CDH12: variants seen among roughly 807,000 people sequenced by gnomAD.
CDH12 encodes the protein cadherin 12, also known as cadherin-12.
CDH12 carries 41 observed loss-of-function variants against 74.1 expected under a neutral mutation model. The observed-to-expected ratio is 0.55, with a 90% CI of 0.43 to 0.72. The LOEUF (loss-of-function observed/expected upper bound fraction) is 0.72. CDH12 is among the 30% of genes least tolerant of loss of function. The probability of loss-of-function intolerance (pLI) is 0.00; values close to 1 mark genes in which losing one functional copy is unlikely to be tolerated. For missense variants in CDH12, 945 were observed against 977.2 expected (o/e 0.97, Z 0.44); for synonymous variants, 399 against 355.0 (o/e 1.12, Z -1.39).
At chr5:22,510,250 G>A (rs1197869181) in intron 1 of CDH12, among the ~76,000 whole-genome samples, 1 of 152,050 alleles carries the variant, frequency 6.6e-6, no homozygotes, top group East Asian at 1.9e-4. Context: ...TACTCTAGAG[G>A]TGGTCCTATG....
At chr5:22,562,396 T>A (rs1423704395) in intron 1 of CDH12, among the ~76,000 whole-genome samples, 2 of 152,124 alleles carry the variant, frequency 1.3e-5, no homozygotes, top group African/African-American at 4.8e-5. Flanking sequence ...GCTAGGAATT[T>A]AAAAAAATAC....
intron 6 of CDH12, among the ~76,000 whole-genome samples, chr5:21,880,435 T>TTTCCTTCCTTCTTTCCTTCC: frequency 6.7e-6 from 1 of 149,750 alleles, no homozygotes. Flanking sequence ...ATACAATGCT[T>TTTCCTTCCTTCTTTCCTTCC]TTCCTTCCTT....
chr5:22,405,392 ACT>A (rs1337326406), intron 2 of CDH12, 41 bp from the exon 3 acceptor site: 2 of 463,962 alleles, frequency 4.3e-6, no homozygotes, highest in Non-Finnish European at 5.7e-6. Flanking sequence ...AATATGCAAG[ACT>A]CTCTGTATTC....
At chr5:21,801,412 G>A (rs1747104217) in intron 10 of CDH12, among the ~76,000 whole-genome samples, 1 of 152,136 alleles carries the variant, frequency 6.6e-6, no homozygotes, top group Non-Finnish European at 1.5e-5. Flanking sequence ...ACAGCTGTAG[G>A]CACGCGGCAG....
At chr5:22,680,404 T>C (rs1407334363) in intron 1 of CDH12, among the ~76,000 whole-genome samples, 1 of 152,110 alleles carries the variant, frequency 6.6e-6, no homozygotes, top group Non-Finnish European at 1.5e-5. Context: ...TGTATTATTA[T>C]TAATAATAAT....
intron 10 of CDH12, among the ~76,000 whole-genome samples, chr5:21,787,192 T>G (rs1185592204): frequency 6.6e-6 from 1 of 152,220 alleles, no homozygotes; most frequent in Non-Finnish European, 1.5e-5. Flanking sequence ...AGGTAAATGC[T>G]ACAAAACAGC....
At chr5:22,380,104 A>G (rs1405168176) in intron 3 of CDH12, among the ~76,000 whole-genome samples, 1 of 152,182 alleles carries the variant, frequency 6.6e-6, no homozygotes, top group African/African-American at 2.4e-5. Flanking sequence ...TTCAATGCTA[A>G]GGCAATATTG....
chr5:22,412,324 A>G (rs899195703), intron 2 of CDH12, among the ~76,000 whole-genome samples: 1 of 152,000 alleles, frequency 6.6e-6, no homozygotes, highest in Admixed American at 6.6e-5. Context: ...CAACTGAATT[A>G]GATTTCAAAG....
chr5:22,502,645 C>T (rs1236210237), intron 2 of CDH12, among the ~76,000 whole-genome samples: 2 of 139,724 alleles, frequency 1.4e-5, no homozygotes, highest in Non-Finnish European at 3.2e-5. Context: ...TTTACACACA[C>T]ACACACGCAC....
At chr5:21,914,539 T>G (rs1754004337) in intron 6 of CDH12, among the ~76,000 whole-genome samples, 1 of 152,018 alleles carries the variant, frequency 6.6e-6, no homozygotes, top group South Asian at 2.1e-4. Flanking sequence ...GGGAGAGAGA[T>G]TTTATTGAAT....
rs931399549 is a variant in CDH12 at position 22,735,542 on chromosome 5, G to A, written c.-523+117516C>T. On this transcript the variant is annotated intron_variant, in intron 1 of 14. Transcript: ENST00000382254. ...TAATTAAAGTATATAAATCCACCCC[G>A]AATGTCATCTTTCAAGTTTTAGTTC... Among the ~76,000 whole-genome samples, 11 of 151,848 alleles carry A rather than the reference G, an allele frequency of 7.2e-5. 1 individual carries two copies. In the East Asian group the frequency reaches 1.4e-3, roughly 19 times the overall value.
intron 1 of CDH12, among the ~76,000 whole-genome samples, chr5:22,743,298 G>T (rs112311741): frequency 0.013 from 1,889 of 145,766 alleles, 19 homozygotes; most frequent in Middle Eastern, 0.022. Flanking sequence ...ATATGTATAT[G>T]TATATATATG....
At chr5:22,698,089 T>A (rs1742473092) in intron 1 of CDH12, among the ~76,000 whole-genome samples, 1 of 150,686 alleles carries the variant, frequency 6.6e-6, no homozygotes, top group African/African-American at 2.4e-5. Context: ...TTCAGATAGG[T>A]TACATTCCCT....
chr5:22,430,945 A>G (rs557609877), intron 2 of CDH12, among the ~76,000 whole-genome samples: 1 of 152,036 alleles, frequency 6.6e-6, no homozygotes, highest in Non-Finnish European at 1.5e-5. Context: ...ATCTTAAAAT[A>G]TTTACCAGGC....
chr5:22,482,293 T>C (rs1338270263), intron 2 of CDH12, among the ~76,000 whole-genome samples: 1 of 152,134 alleles, frequency 6.6e-6, no homozygotes, highest in African/African-American at 2.4e-5. Flanking sequence ...AGACAATATT[T>C]TCCCGCCACA....
chr5:22,415,684 G>T (rs1743351638), intron 2 of CDH12, among the ~76,000 whole-genome samples: 1 of 152,174 alleles, frequency 6.6e-6, no homozygotes, highest in Non-Finnish European at 1.5e-5. Flanking sequence ...ACCCACTTGA[G>T]TCTGAGAGCA....
chr5:22,339,178 C>T (rs1416560307), intron 3 of CDH12, among the ~76,000 whole-genome samples: 20 of 152,114 alleles, frequency 1.3e-4, no homozygotes, highest in Admixed American at 1.3e-3. Flanking sequence ...AACTTCTGCA[C>T]CACGGTAGAA....
chr5:22,411,502 C>A (rs949480931), intron 2 of CDH12, among the ~76,000 whole-genome samples: 2 of 151,918 alleles, frequency 1.3e-5, no homozygotes, highest in Non-Finnish European at 2.9e-5. Flanking sequence ...CATAAATAAA[C>A]CTTCATAAAG....
chr5:22,683,557 A>G (rs758362625), intron 1 of CDH12, among the ~76,000 whole-genome samples: 7 of 152,212 alleles, frequency 4.6e-5, no homozygotes, highest in Non-Finnish European at 1.0e-4. Context: ...AAACCCATGG[A>G]ATTATTTCAC....
Sources: gnomAD v4.1 joint callset for allele counts (sites outside exome capture counted in the v4.1 genomes callset) on GRCh38, gnomAD v4.1.1 for gene constraint, MANE v1.5 for transcripts, NCBI Gene and HGNC (gene_info 2026-07-23, HGNC 2026-07-21) for gene names.